The following SEMA3A variants were observed in gnomAD, a reference collection of about 807,000 sequenced individuals.
The protein encoded by SEMA3A is semaphorin-3A.
In SEMA3A, 29 loss-of-function variants were observed where a neutral mutation model predicts 97.9. The observed-to-expected ratio is 0.30, with a 90% CI of 0.22 to 0.40. The LOEUF (loss-of-function observed/expected upper bound fraction) is 0.40, where lower values mean the gene tolerates loss of function less well. Ranked by LOEUF, SEMA3A falls within the 10% of genes least tolerant of loss-of-function variation. The pLI, the probability that SEMA3A is intolerant of heterozygous loss-of-function variation, is 1.00. For missense variants in SEMA3A, 763 were observed against 951.3 expected (o/e 0.80, Z 2.60); for synonymous variants, 321 against 323.7 (o/e 0.99, Z 0.09).
intron 1 of SEMA3A, among the ~76,000 whole-genome samples, chr7:84,418,027 G>A (rs935986410): frequency 1.8e-4 from 28 of 152,056 alleles, no homozygotes; most frequent in African/African-American, 4.3e-4. Flanking sequence ...AATATTAGGC[G>A]TCGCCTTGAC....
At chr7:84,037,857 C>T (rs1404473) in intron 6 of SEMA3A, among the ~76,000 whole-genome samples, 104,938 of 151,694 alleles carry the variant, frequency 0.69, 36,502 homozygotes, top group Middle Eastern at 0.77. Context: ...AACTGATATA[C>T]GGCTGAGAAC....
chr7:84,404,326 T>A (rs2116224799), intron 1 of SEMA3A, among the ~76,000 whole-genome samples: 1 of 151,550 alleles, frequency 6.6e-6, no homozygotes, highest in Admixed American at 6.6e-5. Context: ...AAATGAAGCG[T>A]GAAGAGAAGT....
At chr7:84,090,865 A>G (rs969555509) in intron 4 of SEMA3A, among the ~76,000 whole-genome samples, 2 of 151,644 alleles carry the variant, frequency 1.3e-5, no homozygotes, top group African/African-American at 2.4e-5. Context: ...CCAGGGGTTC[A>G]AGACCAGCCT....
At chr7:84,271,341 C>T (rs909825057) in intron 3 of SEMA3A, among the ~76,000 whole-genome samples, 2 of 152,022 alleles carry the variant, frequency 1.3e-5, no homozygotes, top group African/African-American at 4.8e-5. Context: ...GTGTGTTCCA[C>T]TACACCCAAC....
At chr7:84,457,708 T>C (rs1329526143) in intron 1 of SEMA3A, among the ~76,000 whole-genome samples, 1 of 151,976 alleles carries the variant, frequency 6.6e-6, no homozygotes, top group Middle Eastern at 3.2e-3. Context: ...ATTTGAAGTG[T>C]TCTGACTTGA....
rs372380784 is a variant in SEMA3A at position 84,203,526 on chromosome 7, A to ATATTT, written c.-82-8859_-82-8858insAAATA. Among the ~76,000 whole-genome samples, 169 of 25,670 alleles carry ATATTT rather than the reference A, an allele frequency of 6.6e-3. 4 individuals are homozygous for ATATTT. The highest frequency in any genetic ancestry group is 0.042 in the East Asian group (29 of 686). The allele number at this position is 25,670 out of a possible 152,430, so 16.8% of individuals were successfully genotyped here. A position where few individuals can be genotyped will look rare whatever the true frequency, so the allele number is the denominator to read the frequency against. On this transcript the variant is annotated intron_variant, in intron 3 of 3. Transcript: ENST00000424555. ...TGTATATATATATATATATATATAT[A>ATATTT]TTTTTTTTTTTTTTTTTTTTCTGAG...
intron 4 of SEMA3A, among the ~76,000 whole-genome samples, chr7:84,096,370 G>T (rs984805340): frequency 1.2e-4 from 18 of 151,972 alleles, no homozygotes; most frequent in Non-Finnish European, 7.4e-5. Context: ...TTTTTAGCAA[G>T]AATTTTATGG....
At chr7:84,138,251 T>C (rs372959744) in intron 1 of SEMA3A, among the ~76,000 whole-genome samples, 1 of 152,148 alleles carries the variant, frequency 6.6e-6, no homozygotes, top group Non-Finnish European at 1.5e-5. Context: ...TCTTACTAAG[T>C]GTCCTAACTT....
upstream of SEMA3A, chr7:84,195,374 A>G (rs920449459): frequency 1.8e-4 from 28 of 152,056 alleles, no homozygotes; most frequent in African/African-American, 6.0e-4. Flanking sequence ...AAAATTTACA[A>G]TTCATGCTCA....
intron 3 of SEMA3A, chr7:84,306,590 A>C (rs1801161185): frequency 1.3e-5 from 2 of 152,284 alleles, no homozygotes; most frequent in African/African-American, 4.8e-5. Context: ...TACTTTATAC[A>C]ATGAAATGAA....
intron 3 of SEMA3A, among the ~76,000 whole-genome samples, chr7:84,120,304 A>C (rs1364560814): frequency 6.6e-6 from 1 of 152,148 alleles, no homozygotes; most frequent in East Asian, 1.9e-4. Flanking sequence ...ACAAAGTTTT[A>C]TTTGCCATGT....
At chr7:84,022,919 G>A (rs897257612) in intron 6 of SEMA3A, among the ~76,000 whole-genome samples, 1 of 152,176 alleles carries the variant, frequency 6.6e-6, no homozygotes, top group Non-Finnish European at 1.5e-5. Context: ...TTGGGCCAAT[G>A]CTATCATGTG....
chr7:84,087,198 G>T (rs1049074323), intron 4 of SEMA3A, among the ~76,000 whole-genome samples: 5 of 152,072 alleles, frequency 3.3e-5, no homozygotes, highest in African/African-American at 1.2e-4. Flanking sequence ...GTAGTAAGAG[G>T]TTAGTACTCA....
chr7:84,235,783 C>T (rs1350065488), intron 3 of SEMA3A, among the ~76,000 whole-genome samples: 3 of 151,974 alleles, frequency 2.0e-5, no homozygotes, highest in South Asian at 2.1e-4. Flanking sequence ...CTAACATGGT[C>T]GAGTATACTG....
intron 1 of SEMA3A, among the ~76,000 whole-genome samples, chr7:84,166,571 A>C (rs1291453760): frequency 4.1e-5 from 1 of 24,518 alleles, no homozygotes; most frequent in Non-Finnish European, 8.2e-5. Context: ...AACTCCGTCA[A>C]AAAAAAAAAA....
intron 6 of SEMA3A, among the ~76,000 whole-genome samples, chr7:84,035,883 T>G (rs913643733): frequency 2.6e-5 from 4 of 152,082 alleles, no homozygotes; most frequent in Admixed American, 6.6e-5. Flanking sequence ...ATAACACAAT[T>G]TAAAAATCTA....
intron 4 of SEMA3A, among the ~76,000 whole-genome samples, chr7:84,069,743 C>A (rs536284700): frequency 1.2e-4 from 18 of 151,834 alleles, no homozygotes; most frequent in Admixed American, 4.6e-4. Context: ...ACATAGAATG[C>A]GTGTGAAAAT....
intron 6 of SEMA3A, among the ~76,000 whole-genome samples, chr7:84,039,488 G>T (rs1050922969): frequency 2.0e-5 from 3 of 152,202 alleles, no homozygotes; most frequent in African/African-American, 7.2e-5. Flanking sequence ...AAATCCCATG[G>T]GCAAATGGTA....
intron 1 of SEMA3A, among the ~76,000 whole-genome samples, chr7:84,149,610 T>C (rs1027544915): frequency 1.3e-5 from 2 of 152,224 alleles, no homozygotes; most frequent in African/African-American, 2.4e-5. Flanking sequence ...CTCTTATAGA[T>C]TGGGCAAAAA....
Sources: gnomAD v4.1 joint callset for allele counts (sites outside exome capture counted in the v4.1 genomes callset) on GRCh38, gnomAD v4.1.1 for gene constraint, MANE v1.5 for transcripts, NCBI Gene and HGNC (gene_info 2026-07-23, HGNC 2026-07-21) for gene names.